Variants in ARHGAP24 observed in about 807,000 individuals in gnomAD.
ARHGAP24 encodes Rho GTPase activating protein 24, also known as rho GTPase-activating protein 24.
In ARHGAP24, 50 loss-of-function variants were observed where a neutral mutation model predicts 76.4. That is an observed-to-expected ratio of 0.65 (90% CI 0.52 to 0.83). ARHGAP24 has a LOEUF of 0.83. Among genes scored for constraint, ARHGAP24 ranks in the 40% least tolerant of loss-of-function variants. ARHGAP24 has a pLI of 0.00. For synonymous variants in ARHGAP24, 345 were observed against 323.3 expected (o/e 1.07, Z -0.72); for missense variants, 930 against 914.2 (o/e 1.02, Z -0.22).
At chr4:85,927,477 G>A (rs984709147) in intron 4 of ARHGAP24, among the ~76,000 whole-genome samples, 7 of 152,048 alleles carry the variant, frequency 4.6e-5, no homozygotes, top group African/African-American at 9.7e-5. Flanking sequence ...TTAAACTGGG[G>A]GATTCTATGG....
chr4:85,966,082 T>C (rs1738575941), intron 5 of ARHGAP24, among the ~76,000 whole-genome samples: 1 of 152,136 alleles, frequency 6.6e-6, no homozygotes, highest in African/African-American at 2.4e-5. Flanking sequence ...TGGTGAAGGC[T>C]GTCTTTTTGG....
chr4:85,627,976 A>C (rs1293718400), intron 2 of ARHGAP24, among the ~76,000 whole-genome samples: 1 of 152,024 alleles, frequency 6.6e-6, no homozygotes, highest in Non-Finnish European at 1.5e-5. Context: ...GCCGTCTATC[A>C]CCCCTGTCTT....
intron 2 of ARHGAP24, among the ~76,000 whole-genome samples, chr4:85,708,660 G>C (rs1560595592): frequency 6.6e-6 from 1 of 152,144 alleles, no homozygotes; most frequent in East Asian, 1.9e-4. Context: ...AGTTGGAAAG[G>C]AGGCTGATGT....
At chr4:85,930,416 C>T (rs1431704919) in intron 4 of ARHGAP24, 7 of 985,712 alleles carry the variant, frequency 7.1e-6, no homozygotes, top group Non-Finnish European at 8.4e-6. Context: ...CATTATTTTC[C>T]TCCCCTCTTG....
chr4:85,507,418 A>C (rs747763833), intron 1 of ARHGAP24, among the ~76,000 whole-genome samples: 9 of 152,146 alleles, frequency 5.9e-5, no homozygotes, highest in Non-Finnish European at 8.8e-5. Flanking sequence ...CTTTGAGGAA[A>C]ATGATTCTGT....
At chr4:85,733,995 T>C (rs1435302214) in intron 3 of ARHGAP24, among the ~76,000 whole-genome samples, 3 of 152,108 alleles carry the variant, frequency 2.0e-5, no homozygotes, top group African/African-American at 7.2e-5. Context: ...GGACAAACTT[T>C]CCCTCATGTT....
intron 3 of ARHGAP24, among the ~76,000 whole-genome samples, chr4:85,899,612 A>G (rs1734382576): frequency 6.6e-6 from 1 of 152,232 alleles, no homozygotes; most frequent in African/African-American, 2.4e-5. Context: ...ATATACTTTG[A>G]GATATCATCT....
At chr4:85,603,359 G>C (rs576670825) in intron 2 of ARHGAP24, among the ~76,000 whole-genome samples, 1 of 152,276 alleles carries the variant, frequency 6.6e-6, no homozygotes, top group South Asian at 2.1e-4. Context: ...CAGCTTAGCT[G>C]TGACGCACTT....
intron 3 of ARHGAP24, among the ~76,000 whole-genome samples, chr4:85,783,606 G>A (rs919819553): frequency 1.3e-5 from 2 of 152,074 alleles, no homozygotes; most frequent in Non-Finnish European, 2.9e-5. Context: ...GGGGCAGGAA[G>A]TGAAAGCATA....
chr4:85,512,241 G>A (rs921790216), intron 1 of ARHGAP24, among the ~76,000 whole-genome samples: 2 of 152,198 alleles, frequency 1.3e-5, no homozygotes, highest in African/African-American at 2.4e-5. Context: ...CAACTGTAAC[G>A]TAGGTAATTC....
At position 85,994,973 on chromosome 4, in the gene ARHGAP24, G is replaced by A; in HGVS notation, c.1319G>A (p.Ser440Asn). Residue 440 changes from serine to asparagine, a missense_variant, in exon 9 of 10, where the codon AGC becomes AAC. Ser to Asn is a conservative substitution (Grantham distance 46, BLOSUM62 1). Transcript: ENST00000395184. The stretch of plus-strand genomic sequence containing the variant: ...ATAGTTACCAATGGGTCCTTCAGCA[G>A]CAGTAATGCAGAAGGTCTTGAGAAA... ...SGIVTNGSFS[S>N]SNAEGLEKTQ... The A allele has an allele frequency of 6.2e-7, 1 of 1,614,102 alleles. No individual in the cohort carries two copies. The highest frequency in any genetic ancestry group is 8.5e-7 in the Non-Finnish European group (1 of 1,180,018).
intron 2 of ARHGAP24, among the ~76,000 whole-genome samples, chr4:85,581,129 A>G (rs547539514): frequency 5.3e-5 from 8 of 152,258 alleles, no homozygotes; most frequent in East Asian, 3.9e-4. Context: ...ATAATATTCT[A>G]TACTGCTTAT....
chr4:85,624,115 A>G (rs1720828629), intron 2 of ARHGAP24, among the ~76,000 whole-genome samples: 1 of 152,212 alleles, frequency 6.6e-6, no homozygotes, highest in African/African-American at 2.4e-5. Context: ...AAGAACTTCC[A>G]ACACTATGTT....
chr4:85,930,238 T>C (rs2148816431), intron 4 of ARHGAP24: 1 of 985,290 alleles, frequency 1.0e-6, no homozygotes. Context: ...CCTCTTGGAA[T>C]GGGCACTCGA....
intron 3 of ARHGAP24, among the ~76,000 whole-genome samples, chr4:85,922,502 G>A (rs1735781605): frequency 6.6e-6 from 1 of 152,096 alleles, no homozygotes; most frequent in African/African-American, 2.4e-5. Flanking sequence ...TTCAACCCAA[G>A]GGATCAAGTA....
At chr4:85,831,878 G>A (rs1024663739) in intron 3 of ARHGAP24, among the ~76,000 whole-genome samples, 1 of 150,106 alleles carries the variant, frequency 6.7e-6, no homozygotes, top group African/African-American at 2.5e-5. Context: ...GTTCAGCTTG[G>A]GCAACAGAGT....
intron 1 of ARHGAP24, among the ~76,000 whole-genome samples, chr4:85,552,334 G>A (rs530720929): frequency 6.6e-6 from 1 of 152,160 alleles, no homozygotes; most frequent in Non-Finnish European, 1.5e-5. Context: ...ATATGGTTTT[G>A]AGTGATTTTC....
intron 3 of ARHGAP24, chr4:85,722,283 A>C (rs899477598): frequency 2.3e-5 from 7 of 306,970 alleles, no homozygotes; most frequent in African/African-American, 1.3e-4. Context: ...CGCTCTTGTG[A>C]TGTGAAATTT....
chr4:85,607,603 A>T (rs368924486), intron 2 of ARHGAP24, among the ~76,000 whole-genome samples: 1 of 151,814 alleles, frequency 6.6e-6, no homozygotes, highest in Non-Finnish European at 1.5e-5. Flanking sequence ...CACATATATC[A>T]CAGCCACTCT....
Sources: gnomAD v4.1 joint callset for allele counts (sites outside exome capture counted in the v4.1 genomes callset) on GRCh38, gnomAD v4.1.1 for gene constraint, MANE v1.5 for transcripts, NCBI Gene and HGNC (gene_info 2026-07-23, HGNC 2026-07-21) for gene names.